Variants in SSH2 observed in about 807,000 individuals in gnomAD.
SSH2 encodes the protein slingshot protein phosphatase 2.
A neutral mutation model predicts 135.2 loss-of-function variants in SSH2; 37 were observed. That is an observed-to-expected ratio of 0.27 (90% CI 0.21 to 0.36). The LOEUF (loss-of-function observed/expected upper bound fraction) is 0.36. Among genes scored for constraint, SSH2 ranks in the 10% least tolerant of loss-of-function variants. SSH2 has a pLI of 1.00. For synonymous variants in SSH2, 628 were observed against 646.2 expected (o/e 0.97, Z 0.43); for missense variants, 1,408 against 1,765.3 (o/e 0.80, Z 3.63).
At chr17:29,675,242 G>C (rs1446987027) in intron 8 of SSH2, among the ~76,000 whole-genome samples, 2 of 152,122 alleles carry the variant, frequency 1.3e-5, no homozygotes, top group Non-Finnish European at 2.9e-5. Flanking sequence ...ATTTTTCAGT[G>C]AGTCTTTGGA....
intron 3 of SSH2, among the ~76,000 whole-genome samples, chr17:29,782,521 T>C (rs1342777876): frequency 6.6e-6 from 1 of 152,240 alleles, no homozygotes; most frequent in Non-Finnish European, 1.5e-5. Flanking sequence ...TTTCTTTTTT[T>C]GTGCGAGACC....
intron 3 of SSH2, among the ~76,000 whole-genome samples, chr17:29,731,148 A>G (rs892543434): frequency 5.3e-5 from 8 of 152,216 alleles, no homozygotes; most frequent in Non-Finnish European, 1.2e-4. Context: ...AGATAAGGGT[A>G]GTATCTCAAC....
Position 29,868,512 on chromosome 17 carries a change from C to T in SSH2, c.64-19583G>A, listed in dbSNP as rs547552034. Among the ~76,000 whole-genome samples, 7 of 152,142 alleles carry T rather than the reference C, an allele frequency of 4.6e-5. No individual in the cohort carries two copies. The South Asian group carries it at 1.5e-3, about 32-fold the overall frequency. On this transcript the variant is annotated intron_variant, in intron 1 of 15. Coordinates refer to ENST00000540801, the MANE Select transcript of SSH2 (RefSeq NM_001282129.2). ...TAGCAGTTTGGGAGGCCGAGGCGGG[C>T]AGATTGCCTGAACTCAGGAGTTCGA... is the stretch of plus-strand genomic sequence containing the variant.
At chr17:29,688,167 C>T (rs948526762) in intron 5 of SSH2, among the ~76,000 whole-genome samples, 7 of 151,938 alleles carry the variant, frequency 4.6e-5, no homozygotes, top group African/African-American at 1.5e-4. Context: ...CCTGCCACTG[C>T]GCCTGGCTCA....
At chr17:29,817,458 A>G (rs2042577536) in intron 2 of SSH2, among the ~76,000 whole-genome samples, 1 of 152,246 alleles carries the variant, frequency 6.6e-6, no homozygotes, top group Non-Finnish European at 1.5e-5. Context: ...CAACTTTTCA[A>G]TACAATCCTT....
chr17:29,886,986 T>C (rs1013954952), intron 1 of SSH2, among the ~76,000 whole-genome samples: 1 of 152,060 alleles, frequency 6.6e-6, no homozygotes, highest in Non-Finnish European at 1.5e-5. Flanking sequence ...AGATTAAAGA[T>C]TTTTTTCTCG....
At chr17:29,676,737 CTG>C in intron 8 of SSH2, 81 bp downstream of exon 8, 2 of 1,133,846 alleles carry the variant, frequency 1.8e-6, no homozygotes, top group South Asian at 2.6e-5. Flanking sequence ...TCATAGCAAA[CTG>C]TACCATTTCA....
At chr17:29,926,999 T>C (rs2067080181) in intron 1 of SSH2, among the ~76,000 whole-genome samples, 1 of 152,234 alleles carries the variant, frequency 6.6e-6, no homozygotes, top group East Asian at 1.9e-4. Context: ...ACTGGCTGAA[T>C]GACACTGCGC....
At chr17:29,651,357 A>G (rs1207162744) in intron 12 of SSH2, among the ~76,000 whole-genome samples, 1 of 152,248 alleles carries the variant, frequency 6.6e-6, no homozygotes, top group African/African-American at 2.4e-5. Context: ...CAGAACTGGA[A>G]GGGTCAGAGA....
At chr17:29,919,997 C>T (rs1307852763) in intron 1 of SSH2, among the ~76,000 whole-genome samples, 1 of 152,176 alleles carries the variant, frequency 6.6e-6, no homozygotes, top group African/African-American at 2.4e-5. Flanking sequence ...ACAACCTCCG[C>T]CTCCCAGGTT....
chr17:29,926,984 C>T (rs2067079581), intron 1 of SSH2, among the ~76,000 whole-genome samples: 1 of 152,174 alleles, frequency 6.6e-6, no homozygotes, highest in Admixed American at 6.5e-5. Context: ...TAACTCCAGT[C>T]ACTTACTGGC....
chr17:29,744,270 G>C (rs1337147824), intron 3 of SSH2, among the ~76,000 whole-genome samples: 1 of 152,168 alleles, frequency 6.6e-6, no homozygotes, highest in African/African-American at 2.4e-5. Flanking sequence ...CTGGGTTTCT[G>C]TGGGGAGGTG....
chr17:29,657,475 G>A lies in SSH2; in HGVS notation c.1033-1868C>T, dbSNP rs187847323. ...GTAAAGACGAGATTTCACCATGTTG[G>A]TCAGGCTGGTCTCAAACTCCTGACC... On this transcript the variant is annotated intron_variant, in intron 11 of 15. Transcript: ENST00000540801. Among the ~76,000 whole-genome samples the A allele has an allele frequency of 9.2e-5, 12 of 130,352 alleles. No individual in the cohort carries two copies. The South Asian group carries it at 9.8e-4, about 11-fold the overall frequency. The allele number at this position is 130,352 out of a possible 152,430, so 85.5% of individuals were successfully genotyped here. A position where few individuals can be genotyped will look rare whatever the true frequency, so the allele number is the denominator to read the frequency against.
chr17:29,782,601 T>C (rs1360966441), intron 3 of SSH2, among the ~76,000 whole-genome samples: 3 of 152,242 alleles, frequency 2.0e-5, no homozygotes, highest in Non-Finnish European at 4.4e-5. Flanking sequence ...TGTTTTTTTT[T>C]CTGAGACGGA....
intron 12 of SSH2, 52 bp from the exon 13 acceptor site, chr17:29,650,852 A>G (rs765527238): frequency 6.9e-7 from 1 of 1,453,064 alleles, no homozygotes; most frequent in Non-Finnish European, 9.2e-7. Flanking sequence ...GCTAAATCCA[A>G]TTCCCAGCAC....
intron 8 of SSH2, among the ~76,000 whole-genome samples, chr17:29,673,268 C>G (rs1427994054): frequency 6.6e-6 from 1 of 151,720 alleles, no homozygotes; most frequent in Non-Finnish European, 1.5e-5. Flanking sequence ...TAATGTCTCC[C>G]TAAGAAAAAA....
At chr17:29,915,333 T>A (rs2066862218) in intron 1 of SSH2, among the ~76,000 whole-genome samples, 1 of 152,234 alleles carries the variant, frequency 6.6e-6, no homozygotes, top group Non-Finnish European at 1.5e-5. Context: ...GCATTCAATT[T>A]CAACTGCCAA....
intron 3 of SSH2, among the ~76,000 whole-genome samples, chr17:29,749,012 G>A (rs1449208623): frequency 1.3e-5 from 2 of 152,194 alleles, no homozygotes; most frequent in African/African-American, 4.8e-5. Context: ...TACATTAGCA[G>A]TAAAGGGGAA....
rs9889561 is a variant in SSH2, at chr17:29,916,140, C to T, written c.63+13798G>A. 4.8e-3 allele frequency among the ~76,000 whole-genome samples: 734 copies of T among 152,132 alleles called. 4 individuals are homozygous for T. Among genetic ancestry groups the T allele is most frequent in the African/African-American group, 0.017 (710 of 41,512 alleles). ...TGTCATAAAAAAAATAACTTCCCCACCAAATTTGTTATAATGAAAAAATTG... is the reference window on the plus strand; with the variant it reads ...TGTCATAAAAAAAATAACTTCCCCATCAAATTTGTTATAATGAAAAAATTG... On this transcript the variant is annotated intron_variant, in intron 1 of 15. Transcript: ENST00000540801.
Sources: allele counts gnomAD v4.1 joint callset (sites outside exome capture counted in the v4.1 genomes callset), GRCh38; gene constraint gnomAD v4.1.1; transcripts MANE v1.5; gene names NCBI Gene and HGNC (gene_info 2026-07-23, HGNC 2026-07-21).